The following URI1 variants were observed in gnomAD, a reference collection of about 807,000 sequenced individuals.
URI1 encodes URI1 prefoldin like chaperone.
In URI1, 39 loss-of-function variants were observed where a neutral mutation model predicts 60.2. That is an observed-to-expected ratio of 0.65 (90% confidence interval 0.50 to 0.85). The LOEUF is 0.85. Among genes scored for constraint, URI1 ranks in the 40% least tolerant of loss-of-function variants. The pLI, the probability that URI1 is intolerant of heterozygous loss-of-function variation, is 0.00. For missense variants in URI1, 691 were observed against 665.9 expected (o/e 1.04, Z -0.42); for synonymous variants, 251 against 236.8 (o/e 1.06, Z -0.55).
intron 7 of URI1, among the ~76,000 whole-genome samples, chr19:30,008,005 G>A (rs994360545): frequency 1.6e-4 from 24 of 151,910 alleles, no homozygotes; most frequent in Admixed American, 2.6e-4. Context: ...CCACACCCAG[G>A]ATAGTGCTCT....
upstream of URI1, among the ~76,000 whole-genome samples, chr19:29,940,692 C>T (rs1320239008): frequency 6.6e-6 from 1 of 152,124 alleles, no homozygotes; most frequent in African/African-American, 2.4e-5. Flanking sequence ...GACGACATCG[C>T]ACACCCATTC....
chr19:29,961,046 A>G (rs2145291047), intron 1 of URI1, among the ~76,000 whole-genome samples: 1 of 151,822 alleles, frequency 6.6e-6, no homozygotes, highest in Non-Finnish European at 1.5e-5. Context: ...TTTTTTGTAT[A>G]GACAGGGACT....
chr19:29,994,584 T>TA (rs1375478782), intron 4 of URI1, among the ~76,000 whole-genome samples: 1 of 152,214 alleles, frequency 6.6e-6, no homozygotes, highest in East Asian at 1.9e-4. Flanking sequence ...ATCTGTGTTG[T>TA]AGCACGTGTC....
chr19:29,942,294 G>A lies in URI1; in HGVS notation c.-254G>A, dbSNP rs1599655624. The A allele has an allele frequency of 1.1e-5, 11 of 985,272 alleles. No individual in the cohort carries two copies. The highest frequency in any genetic ancestry group is 1.3e-5 in the Non-Finnish European group (11 of 829,712). 61.0% of individuals were successfully genotyped at this position (985,272 alleles called of 1,614,324 possible). On this transcript the variant is annotated 5_prime_UTR_variant, in exon 1 of 11. Transcript: ENST00000392271. ...CTGGCTGGGCCCGCACCGGAGAGGC[G>A]TCTCGGTACCTGGCAGGCGGCCTGC... is the stretch of plus-strand genomic sequence containing the variant.
chr19:29,942,264 G>A lies in URI1; in HGVS notation c.-284G>A, dbSNP rs2055035704. On this transcript the variant is annotated 5_prime_UTR_variant, in exon 1 of 11. Transcript: ENST00000392271. ...GTGTGGGGAGGCGCGGCCGCCACGC[G>A]ACGCCTGGCTGGGCCCGCACCGGAG... 1.0e-6 allele frequency: 1 copy of A among 984,588 alleles called. No individual in the cohort carries two copies. The highest frequency in any genetic ancestry group is 1.2e-6 in the Non-Finnish European group (1 of 829,640). The allele number at this position is 984,588 out of a possible 1,614,324, so 61.0% of individuals were successfully genotyped here.
chr19:29,973,932 T>A (rs1332939399), intron 2 of URI1, among the ~76,000 whole-genome samples: 1 of 152,142 alleles, frequency 6.6e-6, no homozygotes, highest in Admixed American at 6.6e-5. Flanking sequence ...ACTCAGGAAA[T>A]AAGGTATTAT....
At chr19:29,980,690 C>T (rs915837724) in intron 2 of URI1, among the ~76,000 whole-genome samples, 13 of 146,380 alleles carry the variant, frequency 8.9e-5, no homozygotes, top group Non-Finnish European at 1.9e-4. Context: ...TCTGGGAGGC[C>T]GAAGCGGGTA....
At chr19:29,936,371 G>C (rs147237944) in intron 1 of URI1, among the ~76,000 whole-genome samples, 113 of 152,308 alleles carry the variant, frequency 7.4e-4, no homozygotes, top group African/African-American at 2.5e-3. Context: ...CCAAAGTGCT[G>C]GAATTACAGG....
intron 7 of URI1, 72 bp downstream of exon 7, chr19:30,007,710 A>G: frequency 7.5e-7 from 1 of 1,335,636 alleles, no homozygotes; most frequent in Non-Finnish European, 1.0e-6. Flanking sequence ...CTTTTTCTTC[A>G]TTAATAAAAT....
At chr19:29,977,907 T>C (rs1387815916) in intron 2 of URI1, among the ~76,000 whole-genome samples, 1 of 152,178 alleles carries the variant, frequency 6.6e-6, no homozygotes, top group Non-Finnish European at 1.5e-5. Flanking sequence ...AATGCATGCT[T>C]AGTTATGGAA....
In URI1 at chr19:30,015,744, A is replaced by G. The variant is rs1171738734; in HGVS notation, c.*675A>G. The G allele has an allele frequency of 1.5e-6, 1 of 666,586 alleles. No homozygotes were observed. The highest frequency in any genetic ancestry group is 1.8e-5 in the African/African-American group (1 of 55,096). The allele number at this position is 666,586 out of a possible 1,614,324, so 41.3% of individuals were successfully genotyped here. A position where few individuals can be genotyped will look rare whatever the true frequency, so the allele number is the denominator to read the frequency against. ...CTTTATGATTCAAAATTGAGTACAG[A>G]TATGTCCTTGATTCATATGTATGCT... is the stretch of plus-strand genomic sequence containing the variant. On this transcript the variant is annotated 3_prime_UTR_variant, in exon 11 of 11. Coordinates refer to ENST00000392271, the MANE Select transcript of URI1 (RefSeq NM_003796.3).
At chr19:29,930,077 C>A (rs2054903586) in intron 1 of URI1, among the ~76,000 whole-genome samples, 1 of 151,400 alleles carries the variant, frequency 6.6e-6, no homozygotes, top group Admixed American at 6.6e-5. Context: ...GTAGCTGGTA[C>A]TACAGGTGCC....
rs767273785 is a variant in URI1, at chr19:30,005,449, C to T, written c.456C>T (p.Ser152=). ...VEFTEDLQKM[S]DAAGDIVDIR... ...TCACAGAAGATTTGCAGAAAATGAG[C>T]GATGTGAGTATTTGTTTTTAGTCTT... The change falls in exon 5 of 11, where the codon AGC becomes AGT. Residue 152 remains serine (S), a synonymous_variant. Transcript: ENST00000392271. The T allele has an allele frequency of 5.0e-6, 8 of 1,591,424 alleles. No individual in the cohort carries two copies. Among genetic ancestry groups the T allele is most frequent in the Admixed American group, 1.8e-5 (1 of 54,840 alleles).
rs906953472 is a variant in URI1, at chr19:30,014,783, G to A, written c.1426-104G>A. 21 of 1,181,798 alleles carry A rather than the reference G, an allele frequency of 1.8e-5. No individual in the cohort carries two copies. In the East Asian group the frequency reaches 2.4e-4, roughly 13 times the overall value. The allele number at this position is 1,181,798 out of a possible 1,614,324, so 73.2% of individuals were successfully genotyped here. A position where few individuals can be genotyped will look rare whatever the true frequency, so the allele number is the denominator to read the frequency against. ...GTAGTGTTGTCTAGCCAAAAATCTC[G>A]TGAATTTACTTTTAATGAAAAGAAT... On this transcript the variant is annotated intron_variant, in intron 10 of 10. Transcript: ENST00000392271.
intron 2 of URI1, among the ~76,000 whole-genome samples, chr19:29,972,848 A>C (rs2055476148): frequency 6.6e-6 from 1 of 152,120 alleles, no homozygotes; most frequent in African/African-American, 2.4e-5. Flanking sequence ...GTTTTGTAAA[A>C]CCCTCTAAAC....
intron 1 of URI1, among the ~76,000 whole-genome samples, chr19:29,959,199 A>G (rs981440231): frequency 6.6e-6 from 1 of 152,034 alleles, no homozygotes; most frequent in Non-Finnish European, 1.5e-5. Context: ...ATCCTGGCTC[A>G]TTGCATCCTG....
chr19:29,939,001 G>T (rs529685128), upstream of URI1, among the ~76,000 whole-genome samples: 146 of 138,968 alleles, frequency 1.1e-3, no homozygotes, highest in African/African-American at 3.7e-3. Context: ...TTTCTGAGAG[G>T]AGTTTCACTC....
chr19:29,937,261 T>C (rs1599650922), upstream of URI1, among the ~76,000 whole-genome samples: 1 of 152,352 alleles, frequency 6.6e-6, no homozygotes, highest in East Asian at 1.9e-4. Flanking sequence ...TCATTGGCCT[T>C]CCCTATTTGT....
At chr19:29,955,842 T>G (rs1233712878) in intron 1 of URI1, among the ~76,000 whole-genome samples, 2 of 151,520 alleles carry the variant, frequency 1.3e-5, no homozygotes, top group East Asian at 3.9e-4. Context: ...GTGCCCTCCT[T>G]GGCCCCCCAA....
Sources: allele counts gnomAD v4.1 joint callset (sites outside exome capture counted in the v4.1 genomes callset), GRCh38; gene constraint gnomAD v4.1.1; transcripts MANE v1.5; gene names NCBI Gene and HGNC (gene_info 2026-07-23, HGNC 2026-07-21).